Variants in SHISA9 observed in about 807,000 individuals in gnomAD.
SHISA9 encodes protein shisa-9.
In SHISA9, 13 loss-of-function variants were observed where a neutral mutation model predicts 38.0. The observed-to-expected ratio is 0.34, with a 90% CI of 0.22 to 0.54. The LOEUF (loss-of-function observed/expected upper bound fraction) is 0.54. Among genes scored for constraint, SHISA9 ranks in the 20% least tolerant of loss-of-function variants. SHISA9 has a pLI of 0.91. For synonymous variants in SHISA9, 275 were observed against 242.0 expected (o/e 1.14, Z -1.27); for missense variants, 538 against 575.8 (o/e 0.93, Z 0.67).
intron 2 of SHISA9, among the ~76,000 whole-genome samples, chr16:13,011,142 G>A (rs1185477803): frequency 1.3e-5 from 2 of 152,080 alleles, no homozygotes; most frequent in African/African-American, 4.8e-5. Flanking sequence ...GGCAGGCGGT[G>A]AACACACACA....
rs957491303 is a variant in SHISA9 at position 13,239,234 on chromosome 16, C to T, written c.*3825C>T. 6.6e-6 allele frequency: 1 copy of T among 151,940 alleles called. No homozygotes were observed. Among genetic ancestry groups the T allele is most frequent in the East Asian group, 1.9e-4 (1 of 5,188 alleles). The allele number at this position is 151,940 out of a possible 1,614,324, so 9.4% of individuals were successfully genotyped here. On this transcript the variant is annotated 3_prime_UTR_variant, in exon 5 of 5. Transcript: ENST00000558583. ...GCCACATTTTCTTAATCCAGTCTAT[C>T]CTTGTTGGACTTTTGGGTTGGTTCC...
intron 2 of SHISA9, among the ~76,000 whole-genome samples, chr16:12,936,404 C>T (rs1322067218): frequency 6.6e-6 from 1 of 152,154 alleles, no homozygotes; most frequent in African/African-American, 2.4e-5. Context: ...CACAGTGAGG[C>T]ATAAGTGTCT....
the SHISA9 span, among the ~76,000 whole-genome samples, chr16:13,364,162 C>A: frequency 6.6e-6 from 1 of 152,334 alleles, no homozygotes; most frequent in East Asian, 1.9e-4. Context: ...ATTGGCTTAG[C>A]ATTGAACTGA....
the SHISA9 span, among the ~76,000 whole-genome samples, chr16:13,406,749 T>C: frequency 2.0e-5 from 3 of 152,130 alleles, no homozygotes; most frequent in Non-Finnish European, 2.9e-5. Context: ...TTTAGATCAC[T>C]AAGCCTTCAC....
At chr16:13,312,653 C>CAATAGCAA in the SHISA9 span, among the ~76,000 whole-genome samples, 41 of 152,252 alleles carry the variant, frequency 2.7e-4, no homozygotes, top group African/African-American at 9.9e-4. Flanking sequence ...AATGTGATTA[C>CAATAGCAA]AATAGCAAAT....
At chr16:13,461,688 A>C in the SHISA9 span, among the ~76,000 whole-genome samples, 2 of 131,726 alleles carry the variant, frequency 1.5e-5, no homozygotes, top group East Asian at 4.6e-4. Context: ...ATCTCGGCTC[A>C]CTGCAAGCTC....
At chr16:13,109,058 A>G (rs1042215974) in intron 2 of SHISA9, among the ~76,000 whole-genome samples, 3 of 152,130 alleles carry the variant, frequency 2.0e-5, no homozygotes, top group South Asian at 2.1e-4. Context: ...GAAAATCAAA[A>G]TTATTATCTT....
At chr16:13,207,220 T>C (rs1227354100) in intron 3 of SHISA9, among the ~76,000 whole-genome samples, 1 of 152,122 alleles carries the variant, frequency 6.6e-6, no homozygotes, top group Non-Finnish European at 1.5e-5. Flanking sequence ...GCGGAGATGG[T>C]GCCACTGCAC....
the SHISA9 span, among the ~76,000 whole-genome samples, chr16:13,286,135 C>T: frequency 3.1e-4 from 47 of 152,092 alleles, no homozygotes; most frequent in Admixed American, 1.4e-3. Flanking sequence ...AGCCCCCTCC[C>T]CTCTTGAGTT....
At chr16:13,222,888 GA>G (rs901555608) in intron 4 of SHISA9, among the ~76,000 whole-genome samples, 1 of 151,622 alleles carries the variant, frequency 6.6e-6, no homozygotes, top group Non-Finnish European at 1.5e-5. Flanking sequence ...TATATTTTCT[GA>G]TGACGACAGA....
chr16:13,348,293 A>G, the SHISA9 span, among the ~76,000 whole-genome samples: 5 of 152,094 alleles, frequency 3.3e-5, no homozygotes, highest in Non-Finnish European at 5.9e-5. Flanking sequence ...AAATGCTCCA[A>G]TGAGCATCTC....
At chr16:13,466,415 A>G in the SHISA9 span, among the ~76,000 whole-genome samples, 1 of 152,232 alleles carries the variant, frequency 6.6e-6, no homozygotes, top group Admixed American at 6.5e-5. Flanking sequence ...GATTAGGGTC[A>G]GTGAAAAACT....
intron 3 of SHISA9, among the ~76,000 whole-genome samples, chr16:13,212,434 CATT>C (rs1360046392): frequency 2.0e-5 from 3 of 152,112 alleles, no homozygotes; most frequent in African/African-American, 7.2e-5. Flanking sequence ...TGAAAGGAGT[CATT>C]ATGGAATTCT....
intron 2 of SHISA9, among the ~76,000 whole-genome samples, chr16:12,986,004 A>G (rs2072303287): frequency 6.6e-6 from 1 of 152,208 alleles, no homozygotes; most frequent in African/African-American, 2.4e-5. Context: ...CCTGTGGGAT[A>G]AGATTGATGT....
the SHISA9 span, among the ~76,000 whole-genome samples, chr16:13,473,761 G>C: frequency 6.6e-6 from 1 of 152,036 alleles, no homozygotes; most frequent in Admixed American, 6.6e-5. Flanking sequence ...TACCTCTCTG[G>C]ACTTCAGTAA....
At chr16:13,420,331 G>C in the SHISA9 span, among the ~76,000 whole-genome samples, 2 of 149,392 alleles carry the variant, frequency 1.3e-5, no homozygotes, top group African/African-American at 4.9e-5. Context: ...TGCTGTGCCA[G>C]TCAAGTGAAA....
At chr16:13,206,848 A>G (rs2051069812) in intron 3 of SHISA9, among the ~76,000 whole-genome samples, 1 of 152,222 alleles carries the variant, frequency 6.6e-6, no homozygotes, top group Admixed American at 6.5e-5. Flanking sequence ...TCCTAACTGC[A>G]TTCAAATATA....
At chr16:12,936,117 G>A (rs1380140226) in intron 2 of SHISA9, among the ~76,000 whole-genome samples, 1 of 152,150 alleles carries the variant, frequency 6.6e-6, no homozygotes, top group East Asian at 1.9e-4. Flanking sequence ...ATCGTCTGAT[G>A]TCCCTTCGCT....
chr16:13,560,903 G>A, the SHISA9 span, among the ~76,000 whole-genome samples: 3 of 151,924 alleles, frequency 2.0e-5, no homozygotes, highest in Admixed American at 6.6e-5. Flanking sequence ...TCTCTCTGTC[G>A]CCCAGGCTGG....
Sources: gnomAD v4.1 joint callset for allele counts (sites outside exome capture counted in the v4.1 genomes callset) on GRCh38, gnomAD v4.1.1 for gene constraint, MANE v1.5 for transcripts, NCBI Gene and HGNC (gene_info 2026-07-23, HGNC 2026-07-21) for gene names.